NRXN1: variants seen among roughly 807,000 people sequenced by gnomAD.
NRXN1 encodes the protein neurexin 1, also known as neurexin-1.
A neutral mutation model predicts 150.9 loss-of-function variants in NRXN1; 39 were observed. The observed-to-expected ratio is 0.26, with a 90% confidence interval of 0.20 to 0.34. NRXN1 has a LOEUF of 0.34. NRXN1 is among the 10% of genes least tolerant of loss of function. The pLI, the probability that NRXN1 is intolerant of heterozygous loss-of-function variation, is 1.00. For synonymous variants in NRXN1, 924 were observed against 757.0 expected (o/e 1.22, Z -3.62); for missense variants, 1,815 against 1,949.9 (o/e 0.93, Z 1.30).
rs77023768 is a variant in NRXN1, at chr2:49,968,039, T to C, written c.4129-24248A>G. On this transcript the variant is annotated intron_variant, in intron 21 of 22. Coordinates refer to ENST00000401669, the MANE Select transcript of NRXN1 (RefSeq NM_001330078.2). ...ATTCCAGTATCAAGAGTAAATGGTT[T>C]ACATAATTATTATTACTTATTCAAA... 9.0e-3 allele frequency among the ~76,000 whole-genome samples: 1,373 copies of C among 151,962 alleles called. 7 individuals are homozygous for C. Among genetic ancestry groups the C allele is most frequent in the Non-Finnish European group, 0.014 (919 of 67,882 alleles).
At chr2:50,441,467 G>T (rs1467216969) in intron 17 of NRXN1, among the ~76,000 whole-genome samples, 1 of 152,220 alleles carries the variant, frequency 6.6e-6, no homozygotes, top group East Asian at 1.9e-4. Flanking sequence ...GTTTACTTTA[G>T]TATGATATTA....
intron 5 of NRXN1, among the ~76,000 whole-genome samples, chr2:50,759,001 G>A (rs895879360): frequency 6.6e-6 from 1 of 151,924 alleles, no homozygotes; most frequent in Non-Finnish European, 1.5e-5. Context: ...TTGTATTAGA[G>A]TTGTTTATTA....
At chr2:50,471,650 T>G (rs1003389689) in intron 16 of NRXN1, among the ~76,000 whole-genome samples, 1 of 151,878 alleles carries the variant, frequency 6.6e-6, no homozygotes, top group Admixed American at 6.6e-5. Context: ...AAATACTGCC[T>G]GTTCTCACCT....
chr2:50,007,566 C>CT (rs1265928538), intron 21 of NRXN1, among the ~76,000 whole-genome samples: 7 of 152,048 alleles, frequency 4.6e-5, no homozygotes, highest in Admixed American at 1.3e-4. Flanking sequence ...TGAACTCATC[C>CT]TTTTTTATGG....
chr2:50,574,952 C>T (rs1671179404), intron 8 of NRXN1, among the ~76,000 whole-genome samples: 1 of 152,136 alleles, frequency 6.6e-6, no homozygotes, highest in Non-Finnish European at 1.5e-5. Flanking sequence ...CGTCCCCCAG[C>T]AATGATGCAT....
At chr2:50,161,079 G>C (rs954770488) in intron 18 of NRXN1, among the ~76,000 whole-genome samples, 1 of 152,070 alleles carries the variant, frequency 6.6e-6, no homozygotes, top group African/African-American at 2.4e-5. Context: ...TCAATTTATA[G>C]TGTCTATTCT....
Position 50,474,745 on chromosome 2 carries a change from G to T in NRXN1, c.3071-2274C>A, listed in dbSNP as rs185379232. ...AGGTCATGCACACAAGAATGAAGAT[G>T]CTGGGTAGCACCTCAGTGAGCACCT... On this transcript the variant is annotated intron_variant, in intron 15 of 22. Transcript: ENST00000401669. 1.3e-3 allele frequency among the ~76,000 whole-genome samples: 176 copies of T among 139,702 alleles called. 1 individual carries two copies. The highest frequency in any genetic ancestry group is 4.7e-3 in the African/African-American group (173 of 36,632). 91.6% of individuals were successfully genotyped at this position (139,702 alleles called of 152,430 possible). A position where few individuals can be genotyped will look rare whatever the true frequency, so the allele number is the denominator to read the frequency against.
intron 2 of NRXN1, among the ~76,000 whole-genome samples, chr2:50,938,751 G>T (rs1002622081): frequency 2.6e-5 from 4 of 152,064 alleles, no homozygotes; most frequent in African/African-American, 7.2e-5. Flanking sequence ...TAAACATGAG[G>T]AATTAAATGA....
chr2:50,623,190 G>T, intron 6 of NRXN1, 124 bp downstream of exon 6: 1 of 721,210 alleles, frequency 1.4e-6, no homozygotes. Context: ...CTCAGAAGAA[G>T]AAAAAGCTAA....
chr2:50,203,116 G>A (rs1298668008), intron 18 of NRXN1, among the ~76,000 whole-genome samples: 1 of 152,108 alleles, frequency 6.6e-6, no homozygotes, highest in Non-Finnish European at 1.5e-5. Flanking sequence ...CAGGTGAAGA[G>A]CTAGCAAACC....
chr2:50,368,868 C>A (rs1462201298), intron 17 of NRXN1, among the ~76,000 whole-genome samples: 2 of 151,994 alleles, frequency 1.3e-5, no homozygotes, highest in Non-Finnish European at 2.9e-5. Context: ...TACATTCCCA[C>A]AGGGAGTTTT....
intron 5 of NRXN1, among the ~76,000 whole-genome samples, chr2:50,921,456 T>C (rs1686022713): frequency 6.6e-6 from 1 of 151,852 alleles, no homozygotes; most frequent in African/African-American, 2.4e-5. Context: ...AGCAGTACCA[T>C]TTCAGTGGTG....
In NRXN1 at chr2:50,614,733, CAAAA is replaced by C. The variant is rs33968907; in HGVS notation, c.1320+5285_1320+5288del. 5.6e-4 allele frequency among the ~76,000 whole-genome samples: 55 copies of C among 98,246 alleles called. 1 individual carries two copies. Among genetic ancestry groups the C allele is most frequent in the Admixed American group, 3.3e-3 (27 of 8,110 alleles). The allele number at this position is 98,246 out of a possible 152,430, so 64.5% of individuals were successfully genotyped here. A position where few individuals can be genotyped will look rare whatever the true frequency, so the allele number is the denominator to read the frequency against. On this transcript the variant is annotated intron_variant, in intron 8 of 22. Coordinates refer to ENST00000401669, the MANE Select transcript of NRXN1 (RefSeq NM_001330078.2). ...ACCTATTAAACTAATATCAGCCATT[CAAAA>C]AAAAAAAAAAAAAAAAAACTTGAGG...
At chr2:50,198,355 C>G (rs1402094920) in intron 18 of NRXN1, among the ~76,000 whole-genome samples, 1 of 152,106 alleles carries the variant, frequency 6.6e-6, no homozygotes, top group Non-Finnish European at 1.5e-5. Context: ...TGAGATAACA[C>G]AGCTAGCCAT....
chr2:50,679,626 CT>C (rs142463334), intron 5 of NRXN1, among the ~76,000 whole-genome samples: 1,743 of 152,080 alleles, frequency 0.011, 37 homozygotes, highest in African/African-American at 0.041. Flanking sequence ...AATAAATTCC[CT>C]TACTGGACTT....
chr2:50,621,085 T>A, intron 7 of NRXN1, 141 bp downstream of exon 7: 2 of 622,464 alleles, frequency 3.2e-6, no homozygotes, highest in South Asian at 3.1e-5. Flanking sequence ...AAGAAGGAGG[T>A]CAAAGTAAGC....
chr2:50,292,388 A>T (rs2073033565), intron 17 of NRXN1, among the ~76,000 whole-genome samples: 1 of 152,116 alleles, frequency 6.6e-6, no homozygotes. Flanking sequence ...CTCTTTGGAG[A>T]AAAAGTTTGA....
rs1407267085 is a variant in NRXN1 at position 50,429,915 on chromosome 2, T to TA, written c.3364+35526dup. 2.6e-4 allele frequency among the ~76,000 whole-genome samples: 39 copies of TA among 152,176 alleles called. 1 individual carries two copies. Among genetic ancestry groups the TA allele is most frequent in the Non-Finnish European group, 4.4e-5 (3 of 68,032 alleles). ...TGCATTTGCTATCACTTAAGCACTT[T>TA]AATTATATATCTATTATGAAAAATT... is the stretch of plus-strand genomic sequence containing the variant. On this transcript the variant is annotated intron_variant, in intron 17 of 22. Transcript: ENST00000401669.
chr2:50,514,277 T>C (rs1444390822), intron 12 of NRXN1, among the ~76,000 whole-genome samples: 1 of 152,168 alleles, frequency 6.6e-6, no homozygotes. Context: ...TTATACATGA[T>C]TGTTCAATAT....
Sources: gnomAD v4.1 joint callset for allele counts (sites outside exome capture counted in the v4.1 genomes callset) on GRCh38, gnomAD v4.1.1 for gene constraint, MANE v1.5 for transcripts, NCBI Gene and HGNC (gene_info 2026-07-23, HGNC 2026-07-21) for gene names.